The following PTPRD variants were observed in gnomAD, a reference collection of about 807,000 sequenced individuals.
The protein encoded by PTPRD is protein tyrosine phosphatase receptor type D, also known as receptor-type tyrosine-protein phosphatase delta.
A neutral mutation model predicts 214.5 loss-of-function variants in PTPRD; 34 were observed. The ratio of observed to expected loss-of-function variants is 0.16; its 90% CI spans 0.12 to 0.21. The LOEUF (loss-of-function observed/expected upper bound fraction) is 0.21, where lower values mean the gene tolerates loss of function less well. Among genes scored for constraint, PTPRD ranks in the 10% least tolerant of loss-of-function variants. PTPRD has a pLI of 1.00. For missense variants in PTPRD, 2,545 were observed against 2,398.7 expected, an observed-to-expected ratio of 1.06 and a Z score of -1.27; for synonymous variants, 1,128 against 845.7, an observed-to-expected ratio of 1.33 and a Z score of -5.79.
At chr9:9,961,609 A>AT (rs1251111759) in intron 4 of PTPRD, among the ~76,000 whole-genome samples, 2 of 152,110 alleles carry the variant, frequency 1.3e-5, no homozygotes, top group African/African-American at 4.8e-5. Flanking sequence ...CCTTACAGTG[A>AT]TTACTTGACT....
intron 7 of PTPRD, among the ~76,000 whole-genome samples, chr9:9,726,184 C>T (rs1167847736): frequency 6.6e-6 from 1 of 152,170 alleles, no homozygotes; most frequent in Admixed American, 6.5e-5. Context: ...GGATCTGTCT[C>T]AGAACCTCCT....
chr9:10,051,011 C>T (rs948832409), intron 3 of PTPRD, among the ~76,000 whole-genome samples: 2 of 152,036 alleles, frequency 1.3e-5, no homozygotes, highest in African/African-American at 2.4e-5. Flanking sequence ...TTATCCCATG[C>T]TATGCTAAAT....
chr9:8,654,186 T>C (rs2096866330), intron 12 of PTPRD, among the ~76,000 whole-genome samples: 1 of 152,218 alleles, frequency 6.6e-6, no homozygotes, highest in Non-Finnish European at 1.5e-5. Flanking sequence ...CTACTGACTG[T>C]ATCTCAAGAA....
chr9:9,534,528 T>C (rs935241424), intron 8 of PTPRD, among the ~76,000 whole-genome samples: 2 of 152,070 alleles, frequency 1.3e-5, no homozygotes, highest in Non-Finnish European at 2.9e-5. Flanking sequence ...AATACATAAA[T>C]TTTTTAAAAT....
chr9:10,024,896 G>T (rs1003609675), intron 4 of PTPRD, among the ~76,000 whole-genome samples: 15 of 149,770 alleles, frequency 1.0e-4, no homozygotes, highest in Admixed American at 6.7e-5. Context: ...TTTTCTGTCC[G>T]TGCGATAGTT....
chr9:9,346,086 G>A (rs940051761), intron 9 of PTPRD, among the ~76,000 whole-genome samples: 3 of 152,034 alleles, frequency 2.0e-5, no homozygotes, highest in Admixed American at 1.3e-4. Flanking sequence ...TAGTGCTGTG[G>A]AAGTCTCTCA....
At chr9:10,016,492 G>A (rs1483473943) in intron 4 of PTPRD, among the ~76,000 whole-genome samples, 1 of 152,040 alleles carries the variant, frequency 6.6e-6, no homozygotes, top group Admixed American at 6.6e-5. Context: ...CTAAAACTGT[G>A]GGTGAAAGTT....
At chr9:8,552,321 G>C (rs1237062922) in intron 14 of PTPRD, among the ~76,000 whole-genome samples, 1 of 152,210 alleles carries the variant, frequency 6.6e-6, no homozygotes, top group Non-Finnish European at 1.5e-5. Context: ...GTCAAAAAGG[G>C]AAAGTATTAG....
At chr9:8,356,991 G>C (rs902744716) in intron 39 of PTPRD, among the ~76,000 whole-genome samples, 1 of 152,040 alleles carries the variant, frequency 6.6e-6, no homozygotes, top group Admixed American at 6.6e-5. Context: ...TTTTATCAAA[G>C]AAATTTATAA....
At chr9:9,762,840 G>C (rs923679787) in intron 6 of PTPRD, among the ~76,000 whole-genome samples, 3 of 152,138 alleles carry the variant, frequency 2.0e-5, no homozygotes, top group African/African-American at 7.2e-5. Flanking sequence ...TAATCAGCTG[G>C]GTTGCCATAG....
intron 7 of PTPRD, among the ~76,000 whole-genome samples, chr9:9,595,134 G>A (rs2154331739): frequency 6.6e-6 from 1 of 151,750 alleles, no homozygotes; most frequent in East Asian, 2.0e-4. Flanking sequence ...CTACGCTGCT[G>A]ATGGGAATGT....
chr9:10,536,440 A>G (rs1362383496), intron 2 of PTPRD, among the ~76,000 whole-genome samples: 1 of 152,156 alleles, frequency 6.6e-6, no homozygotes, highest in African/African-American at 2.4e-5. Context: ...GTTTTAGGTT[A>G]AAATCTAGAC....
chr9:9,695,438 G>A (rs974892340), intron 7 of PTPRD, among the ~76,000 whole-genome samples: 6 of 152,184 alleles, frequency 3.9e-5, no homozygotes, highest in Non-Finnish European at 7.4e-5. Context: ...TCTCTTAGCT[G>A]TGCCCATGGT....
At position 10,257,943 on chromosome 9, in the gene PTPRD, G is replaced by A. The variant is rs75575072; in HGVS notation, c.-545+83020C>T. Among the ~76,000 whole-genome samples the A allele has an allele frequency of 4.2e-3, 634 of 152,262 alleles. 7 individuals are homozygous for A. Among genetic ancestry groups the A allele is most frequent in the East Asian group, 0.031 (161 of 5,182 alleles). On this transcript the variant is annotated intron_variant, in intron 3 of 45. Coordinates refer to ENST00000381196, the MANE Select transcript of PTPRD (RefSeq NM_002839.4). Reference sequence around the variant, plus strand: ...CAAGCATTCATAGAGAGAAGAAAGCGGGTGTGTGTTATGTGCAAAAACAAA... The same window carrying A: ...CAAGCATTCATAGAGAGAAGAAAGCAGGTGTGTGTTATGTGCAAAAACAAA...
intron 11 of PTPRD, among the ~76,000 whole-genome samples, chr9:8,972,740 CA>C (rs1234443391): frequency 6.6e-6 from 1 of 151,780 alleles, no homozygotes; most frequent in African/African-American, 2.4e-5. Context: ...TGCTTATAAC[CA>C]AGTACAGACT....
intron 11 of PTPRD, among the ~76,000 whole-genome samples, chr9:8,883,111 C>T (rs914638244): frequency 2.6e-4 from 40 of 152,136 alleles, no homozygotes; most frequent in Admixed American, 1.3e-4. Flanking sequence ...ATCAGTACCA[C>T]TAATTGAGCA....
Position 9,081,170 on chromosome 9 carries a change from G to C in PTPRD, c.-142-62435C>G, listed in dbSNP as rs553899599. On this transcript the variant is annotated intron_variant, in intron 10 of 45. Coordinates refer to ENST00000381196, the MANE Select transcript of PTPRD (RefSeq NM_002839.4). The stretch of plus-strand genomic sequence containing the variant: ...TCCCTCTAAACACTGCTTTAGCTGT[G>C]TCCCAGAGATTCTGGTACATTGTAT... Among the ~76,000 whole-genome samples, 20 of 152,146 alleles carry C rather than the reference G, an allele frequency of 1.3e-4. No individual in the cohort carries two copies. In the South Asian group the frequency reaches 2.7e-3, roughly 21 times the overall value.
At chr9:10,358,225 G>A (rs779044220) in intron 2 of PTPRD, among the ~76,000 whole-genome samples, 13 of 151,996 alleles carry the variant, frequency 8.6e-5, no homozygotes, top group Non-Finnish European at 1.5e-4. Flanking sequence ...TGAATTAACA[G>A]TGTTTTGTCT....
At chr9:9,143,981 G>C (rs1387306082) in intron 10 of PTPRD, among the ~76,000 whole-genome samples, 1 of 152,170 alleles carries the variant, frequency 6.6e-6, no homozygotes, top group Non-Finnish European at 1.5e-5. Flanking sequence ...TCTAGGAGCA[G>C]ATGTTCTGTG....
Sources: gnomAD v4.1 joint callset for allele counts (sites outside exome capture counted in the v4.1 genomes callset) on GRCh38, gnomAD v4.1.1 for gene constraint, MANE v1.5 for transcripts, NCBI Gene and HGNC (gene_info 2026-07-23, HGNC 2026-07-21) for gene names.